RTTN: variants seen among roughly 807,000 people sequenced by gnomAD.
RTTN encodes the protein rotatin.
RTTN carries 182 observed loss-of-function variants against 269.2 expected under a neutral mutation model. The observed-to-expected ratio is 0.68, with a 90% CI of 0.60 to 0.76. The LOEUF (loss-of-function observed/expected upper bound fraction) is 0.76, where lower values mean the gene tolerates loss of function less well. Ranked by LOEUF, RTTN falls within the 30% of genes least tolerant of loss-of-function variation. RTTN has a pLI of 0.00. For synonymous variants in RTTN, 1,006 were observed against 963.5 expected (o/e 1.04, Z -0.82); for missense variants, 2,545 against 2,608.6 (o/e 0.98, Z 0.53).
chr18:70,158,275 G>C (rs1024093905), intron 14 of RTTN, among the ~76,000 whole-genome samples: 9 of 152,194 alleles, frequency 5.9e-5, no homozygotes, highest in Admixed American at 5.9e-4. Context: ...TTACAAGCCA[G>C]AAAAGATTGG....
At position 70,133,349 on chromosome 18, in the gene RTTN, A is replaced by G. The variant is rs372526097; in HGVS notation, c.2954+1124T>C. ...ACTGATGGTAGGAATGTAAATCAGC[A>G]CAACAACTTCGTAATACTGTCTGGT... On this transcript the variant is annotated intron_variant, in intron 23 of 48. Coordinates refer to ENST00000640769, the MANE Select transcript of RTTN (RefSeq NM_173630.4). Among the ~76,000 whole-genome samples the G allele has an allele frequency of 2.6e-5, 4 of 152,300 alleles. No individual in the cohort carries two copies. In the East Asian group the frequency reaches 7.7e-4, roughly 29 times the overall value.
At chr18:70,081,412 C>A (rs1256132248) in intron 32 of RTTN, among the ~76,000 whole-genome samples, 1 of 152,006 alleles carries the variant, frequency 6.6e-6, no homozygotes, top group Non-Finnish European at 1.5e-5. Flanking sequence ...CACCTCCTTC[C>A]AAAAGAAAAA....
chr18:70,088,548 T>A (rs2058760721), intron 30 of RTTN, among the ~76,000 whole-genome samples: 1 of 152,186 alleles, frequency 6.6e-6, no homozygotes, highest in Non-Finnish European at 1.5e-5. Flanking sequence ...ATTTTAACTT[T>A]CTTAAAACTT....
Position 70,198,799 on chromosome 18 carries a change from T to G in RTTN, c.578+615A>C, listed in dbSNP as rs114378372. On this transcript the variant is annotated intron_variant, in intron 5 of 48. Transcript: ENST00000640769. Reference sequence around the variant, plus strand: ...TACATTTATGTTCAATTTTCCATTTTTATCAATCAAGGGCATAAGCAATGG... The same window carrying G: ...TACATTTATGTTCAATTTTCCATTTGTATCAATCAAGGGCATAAGCAATGG... Among the ~76,000 whole-genome samples the G allele has an allele frequency of 5.0e-3, 766 of 152,306 alleles. 6 individuals carry two copies. The highest frequency in any genetic ancestry group is 0.017 in the African/African-American group (726 of 41,560).
chr18:70,121,465 A>G (rs1372687761), intron 26 of RTTN, 91 bp downstream of exon 26: 1 of 1,129,610 alleles, frequency 8.9e-7, no homozygotes, highest in East Asian at 2.5e-5. Context: ...TAGACAATAT[A>G]AAATTATCCT....
chr18:70,011,927 A>G (rs1481209136), intron 46 of RTTN, among the ~76,000 whole-genome samples: 1 of 146,460 alleles, frequency 6.8e-6, no homozygotes, highest in Non-Finnish European at 1.5e-5. Flanking sequence ...TATTGGTTAG[A>G]AGGCAGCGTC....
intron 14 of RTTN, among the ~76,000 whole-genome samples, chr18:70,155,677 G>A (rs1273180956): frequency 6.6e-6 from 1 of 152,252 alleles, no homozygotes; most frequent in African/African-American, 2.4e-5. Flanking sequence ...AGAGGGTCTG[G>A]CGCAGTAATG....
chr18:70,019,268 C>T (rs1288706587), intron 45 of RTTN: 1 of 152,120 alleles, frequency 6.6e-6, no homozygotes, highest in Admixed American at 6.6e-5. Context: ...AGTCACAGAC[C>T]AGACTCGAGA....
chr18:70,019,338 G>A (rs1215679218), intron 45 of RTTN: 1 of 152,128 alleles, frequency 6.6e-6, no homozygotes, highest in African/African-American at 2.4e-5. Flanking sequence ...TGCTCTATAA[G>A]GAAGTGGTGG....
chr18:70,041,233 TA>T lies in RTTN; in HGVS notation c.5541+6737del, dbSNP rs2057331046. ...TCAAAAATAAATAAATAAATAAAAA[TA>T]AAAAATAAAATAAAAATAAAAAATT... On this transcript the variant is annotated intron_variant, in intron 40 of 48. Transcript: ENST00000640769. Among the ~76,000 whole-genome samples the T allele has an allele frequency of 5.3e-5, 8 of 151,084 alleles. No individual in the cohort carries two copies. In the South Asian group the frequency reaches 1.1e-3, roughly 20 times the overall value.
At chr18:70,073,527 A>G (rs988381169) in intron 34 of RTTN, among the ~76,000 whole-genome samples, 1 of 152,162 alleles carries the variant, frequency 6.6e-6, no homozygotes, top group African/African-American at 2.4e-5. Context: ...AACGAAAAAC[A>G]TATTTTCACA....
At chr18:70,141,888 A>G (rs2060266574) in intron 19 of RTTN, among the ~76,000 whole-genome samples, 1 of 152,208 alleles carries the variant, frequency 6.6e-6, no homozygotes, top group Non-Finnish European at 1.5e-5. Flanking sequence ...TACAGATTGA[A>G]AATATGATGC....
At chr18:70,203,536 G>A (rs1382923963) in intron 3 of RTTN, among the ~76,000 whole-genome samples, 2 of 152,128 alleles carry the variant, frequency 1.3e-5, no homozygotes, top group Admixed American at 1.3e-4. Flanking sequence ...TGAGAAAACT[G>A]AAGCCTGGAA....
chr18:70,171,557 A>G (rs759832533), intron 11 of RTTN, among the ~76,000 whole-genome samples: 1 of 152,228 alleles, frequency 6.6e-6, no homozygotes, highest in Non-Finnish European at 1.5e-5. Flanking sequence ...GCTAATCTTT[A>G]CATGGCCCAA....
intron 46 of RTTN, 145 bp downstream of exon 46, chr18:70,017,262 A>G: frequency 1.3e-6 from 1 of 773,376 alleles, no homozygotes; most frequent in South Asian, 1.9e-5. Context: ...GCCATGCCTG[A>G]TTCATTCCCA....
chr18:70,203,322 C>T (rs2061999309), intron 3 of RTTN, among the ~76,000 whole-genome samples: 2 of 152,108 alleles, frequency 1.3e-5, no homozygotes, highest in South Asian at 4.1e-4. Flanking sequence ...CCTGCCTCAG[C>T]CTCCCTACTA....
At chr18:70,175,346 C>T (rs1030905124) in intron 11 of RTTN, among the ~76,000 whole-genome samples, 3 of 151,892 alleles carry the variant, frequency 2.0e-5, no homozygotes, top group African/African-American at 7.2e-5. Context: ...AGAAAAGCAG[C>T]TTTGTGAAAG....
intron 32 of RTTN, among the ~76,000 whole-genome samples, chr18:70,076,651 A>G (rs1373064535): frequency 6.6e-6 from 1 of 152,040 alleles, no homozygotes; most frequent in East Asian, 1.9e-4. Context: ...TAAATCTACC[A>G]ACACTGTGAG....
intron 35 of RTTN, among the ~76,000 whole-genome samples, chr18:70,063,326 T>C (rs1365131274): frequency 6.6e-6 from 1 of 152,244 alleles, no homozygotes; most frequent in Non-Finnish European, 1.5e-5. Context: ...TATTAATTTG[T>C]ATAATATTTT....
Sources: allele counts gnomAD v4.1 joint callset (sites outside exome capture counted in the v4.1 genomes callset), GRCh38; gene constraint gnomAD v4.1.1; transcripts MANE v1.5; gene names NCBI Gene and HGNC (gene_info 2026-07-23, HGNC 2026-07-21).